PHTF1: variants seen among roughly 807,000 people sequenced by gnomAD.
PHTF1 encodes the protein putative homeodomain transcription factor 1, also known as protein PHTF1.
In PHTF1, 88 loss-of-function variants were observed where a neutral mutation model predicts 102.4. The ratio of observed to expected loss-of-function variants is 0.86; its 90% CI spans 0.72 to 1.03. The LOEUF (loss-of-function observed/expected upper bound fraction) is 1.03. Ranked by LOEUF, PHTF1 falls within the 50% of genes least tolerant of loss-of-function variation. The pLI, the probability that PHTF1 is intolerant of heterozygous loss-of-function variation, is 0.00. For synonymous variants in PHTF1, 289 were observed against 305.2 expected (o/e 0.95, Z 0.55); for missense variants, 814 against 909.5 (o/e 0.89, Z 1.35).
At chr1:113,728,414 C>A (rs559600611) in intron 5 of PHTF1, among the ~76,000 whole-genome samples, 1 of 152,124 alleles carries the variant, frequency 6.6e-6, no homozygotes, top group African/African-American at 2.4e-5. Context: ...ATCTCACTCC[C>A]GTTAAAATGG....
chr1:113,738,681 C>T (rs373612519), intron 4 of PHTF1, 49 bp downstream of exon 4: 13 of 1,039,784 alleles, frequency 1.3e-5, no homozygotes, highest in Non-Finnish European at 1.7e-5. Flanking sequence ...ATTAAGCATC[C>T]CTGTGAAATA....
At chr1:113,738,040 G>A in intron 5 of PHTF1, 70 bp downstream of exon 5, 1 of 1,055,384 alleles carries the variant, frequency 9.5e-7, no homozygotes, top group East Asian at 2.4e-5. Context: ...AAAATCAGTA[G>A]GTCTTCATTA....
chr1:113,702,664 G>C (rs1178877924), intron 15 of PHTF1, among the ~76,000 whole-genome samples: 1 of 151,922 alleles, frequency 6.6e-6, no homozygotes, highest in African/African-American at 2.4e-5. Context: ...GGAAGAAGAA[G>C]AACGAATGAA....
chr1:113,708,973 G>C (rs1465929970), intron 11 of PHTF1, among the ~76,000 whole-genome samples: 1 of 152,102 alleles, frequency 6.6e-6, no homozygotes, highest in Non-Finnish European at 1.5e-5. Context: ...ATTTTAATGA[G>C]AGCCAGGTAT....
intron 5 of PHTF1, among the ~76,000 whole-genome samples, chr1:113,734,658 G>A (rs1655203240): frequency 6.6e-6 from 1 of 152,158 alleles, no homozygotes; most frequent in South Asian, 2.1e-4. Flanking sequence ...GAATTGTTAA[G>A]CAAAAAGGAA....
At chr1:113,698,182 CACACACG>C in intron 18 of PHTF1, 73 bp downstream of exon 18, 1 of 742,104 alleles carries the variant, frequency 1.3e-6, no homozygotes, top group South Asian at 2.0e-5. Flanking sequence ...CACACACACA[CACACACG>C]TGTGAAGAAC....
intron 17 of PHTF1, chr1:113,699,427 G>C (rs1299071848): frequency 3.4e-6 from 2 of 581,638 alleles, no homozygotes; most frequent in African/African-American, 1.8e-5. Context: ...AGAAGAGGCA[G>C]ATCTCCTCCA....
chr1:113,742,779 T>A (rs1656607784), intron 3 of PHTF1, among the ~76,000 whole-genome samples: 1 of 152,150 alleles, frequency 6.6e-6, no homozygotes, highest in African/African-American at 2.4e-5. Flanking sequence ...ATTGTAGACT[T>A]TATAAACACC....
rs763740248 is a variant in PHTF1 at position 113,724,799 on chromosome 1, G to A, written c.583C>T (p.Pro195Ser). ...GTCTCCCAAAAACCACCAATAATGG[G>A]TACAGATTCCAAAGTTTCTATTCCT... ...VRGIETLESVPIIGGFWETIF... is the reference protein window; with the variant it reads ...VRGIETLESVSIIGGFWETIF... Residue 195 changes from proline (P) to serine (S), a missense_variant, in exon 7 of 19, where the codon CCC (proline) becomes TCC (serine). Coordinates refer to ENST00000369604, the MANE Select transcript of PHTF1 (RefSeq NM_001323043.2). 2.5e-6 allele frequency: 4 copies of A among 1,610,768 alleles called. No homozygotes were observed. Among genetic ancestry groups the A allele is most frequent in the South Asian group, 2.2e-5 (2 of 90,228 alleles).
chr1:113,710,683 T>C (rs983340170), intron 10 of PHTF1, among the ~76,000 whole-genome samples: 9 of 151,382 alleles, frequency 5.9e-5, no homozygotes, highest in Admixed American at 5.3e-4. Context: ...CAGGCTGGAG[T>C]GCAGTGGCAT....
intron 5 of PHTF1, among the ~76,000 whole-genome samples, chr1:113,728,946 A>C (rs1654232012): frequency 6.6e-6 from 1 of 152,150 alleles, no homozygotes; most frequent in Admixed American, 6.5e-5. Context: ...AAGAAAGGAA[A>C]TCAGTATATC....
chr1:113,718,037 A>G (rs374850222), intron 7 of PHTF1, among the ~76,000 whole-genome samples: 32 of 152,214 alleles, frequency 2.1e-4, no homozygotes, highest in African/African-American at 7.7e-4. Flanking sequence ...AGCATCCAAA[A>G]TCTCATCTGA....
chr1:113,724,802 C>A lies in PHTF1; in HGVS notation c.580G>T (p.Val194Leu). 1 of 1,611,314 alleles carries A rather than the reference C, an allele frequency of 6.2e-7. No homozygotes were observed. Among genetic ancestry groups the A allele is most frequent in the Non-Finnish European group, 8.5e-7 (1 of 1,178,792 alleles). Residue 194 changes from valine (V) to leucine (L), a missense_variant, in exon 7 of 19, where the codon GTA becomes TTA. Val to Leu is a conservative substitution (Grantham distance 32). Coordinates refer to ENST00000369604, the MANE Select transcript of PHTF1 (RefSeq NM_001323043.2). ...TCCCAAAAACCACCAATAATGGGTA[C>A]AGATTCCAAAGTTTCTATTCCTCTG... ...KVRGIETLES[V>L]PIIGGFWETI...
At chr1:113,756,493 C>T (rs1487592858) in intron 3 of PHTF1, among the ~76,000 whole-genome samples, 1 of 152,146 alleles carries the variant, frequency 6.6e-6, no homozygotes, top group Non-Finnish European at 1.5e-5. Flanking sequence ...AATCAGCTGG[C>T]ATTTATCAGC....
rs539246943 is a variant in PHTF1, at chr1:113,716,339, T to C, written c.624-2901A>G. ...ACATATTTATTTACTTACTTATTTTTCCCTTTTTTTTTTTTTTTTTTTTTT... is the reference window on the plus strand; with the variant it reads ...ACATATTTATTTACTTACTTATTTTCCCCTTTTTTTTTTTTTTTTTTTTTT... On this transcript the variant is annotated intron_variant, in intron 7 of 18. Transcript: ENST00000369604. Among the ~76,000 whole-genome samples the C allele has an allele frequency of 2.7e-5, 4 of 150,206 alleles. No individual in the cohort carries two copies. In the South Asian group the frequency reaches 6.4e-4, roughly 24 times the overall value.
intron 7 of PHTF1, among the ~76,000 whole-genome samples, chr1:113,715,697 T>G (rs1398436985): frequency 1.2e-5 from 1 of 80,440 alleles, no homozygotes; most frequent in Non-Finnish European, 2.6e-5. Flanking sequence ...TTGAGGAAAC[T>G]CAAACAAATT....
At chr1:113,736,251 G>C (rs1348904667) in intron 5 of PHTF1, among the ~76,000 whole-genome samples, 2 of 150,916 alleles carry the variant, frequency 1.3e-5, no homozygotes, top group Non-Finnish European at 3.0e-5. Context: ...CTGAGGCAAG[G>C]GAATGGCGTG....
At chr1:113,709,759 A>G (rs1157307306) in intron 11 of PHTF1, among the ~76,000 whole-genome samples, 1 of 152,232 alleles carries the variant, frequency 6.6e-6, no homozygotes, top group East Asian at 1.9e-4. Context: ...ATTTACACAG[A>G]TGTAGAATGA....
At chr1:113,701,021 T>G in intron 15 of PHTF1, 72 bp from the exon 16 acceptor site, 1 of 1,149,482 alleles carries the variant, frequency 8.7e-7, no homozygotes, top group South Asian at 1.4e-5. Flanking sequence ...TTTTACTCTG[T>G]CAATTTAAGA....
Sources: gnomAD v4.1 joint callset for allele counts (sites outside exome capture counted in the v4.1 genomes callset) on GRCh38, gnomAD v4.1.1 for gene constraint, MANE v1.5 for transcripts, NCBI Gene and HGNC (gene_info 2026-07-23, HGNC 2026-07-21) for gene names.